JAKMIP2: variants seen among roughly 807,000 people sequenced by gnomAD.
JAKMIP2 encodes janus kinase and microtubule-interacting protein 2.
A neutral mutation model predicts 115.0 loss-of-function variants in JAKMIP2; 25 were observed. The ratio of observed to expected loss-of-function variants is 0.22; its 90% CI spans 0.16 to 0.30. The LOEUF (loss-of-function observed/expected upper bound fraction) is 0.30, where lower values mean the gene tolerates loss of function less well. Among genes scored for constraint, JAKMIP2 ranks in the 10% least tolerant of loss-of-function variants. JAKMIP2 has a pLI of 1.00. For synonymous variants in JAKMIP2, 334 were observed against 343.6 expected, an observed-to-expected ratio of 0.97 and a Z score of 0.31; for missense variants, 642 against 957.6, an observed-to-expected ratio of 0.67 and a Z score of 4.35.
chr5:147,715,220 T>C (rs1055357091), intron 1 of JAKMIP2, among the ~76,000 whole-genome samples: 1 of 151,610 alleles, frequency 6.6e-6, no homozygotes, highest in Non-Finnish European at 1.5e-5. Flanking sequence ...TCAAAATAAA[T>C]CAATAAAGGA....
chr5:147,688,578 CAG>C (rs1760683016), intron 1 of JAKMIP2, among the ~76,000 whole-genome samples: 1 of 152,142 alleles, frequency 6.6e-6, no homozygotes, highest in South Asian at 2.1e-4. Flanking sequence ...ATTCACATAA[CAG>C]AGACTTAGTG....
intron 3 of JAKMIP2, 93 bp from the exon 4 acceptor site, chr5:147,650,640 T>C: frequency 1.1e-6 from 1 of 934,488 alleles, no homozygotes; most frequent in Non-Finnish European, 1.6e-6. Flanking sequence ...TTTATCTGAT[T>C]GATACAGAAA....
chr5:147,710,123 CTA>C (rs1752725223), intron 1 of JAKMIP2, among the ~76,000 whole-genome samples: 1 of 152,142 alleles, frequency 6.6e-6, no homozygotes. Context: ...ATGAACAACA[CTA>C]TGAGTTCTTT....
At chr5:147,727,009 G>A (rs1366843101) in intron 1 of JAKMIP2, among the ~76,000 whole-genome samples, 4 of 152,228 alleles carry the variant, frequency 2.6e-5, no homozygotes, top group Non-Finnish European at 5.9e-5. Flanking sequence ...TTTTCACAAT[G>A]ACGGCCTGGG....
chr5:147,642,221 T>C (rs1015046888), intron 7 of JAKMIP2, among the ~76,000 whole-genome samples: 1 of 152,216 alleles, frequency 6.6e-6, no homozygotes, highest in Admixed American at 6.5e-5. Flanking sequence ...TTTGCATCCT[T>C]GTTCTCACCT....
At chr5:147,635,104 G>A (rs1249849179) in intron 12 of JAKMIP2, among the ~76,000 whole-genome samples, 1 of 152,054 alleles carries the variant, frequency 6.6e-6, no homozygotes, top group Non-Finnish European at 1.5e-5. Context: ...TTCAACCTGG[G>A]AGGCAGAGGT....
At chr5:147,696,332 T>A (rs1752106518) in intron 1 of JAKMIP2, among the ~76,000 whole-genome samples, 1 of 152,172 alleles carries the variant, frequency 6.6e-6, no homozygotes, top group Non-Finnish European at 1.5e-5. Flanking sequence ...CATGCTGTTC[T>A]CATGATAGTG....
At chr5:147,636,106 C>A (rs1757604999) in intron 12 of JAKMIP2, 116 bp downstream of exon 12, 3 of 750,886 alleles carry the variant, frequency 4.0e-6, no homozygotes, top group East Asian at 2.6e-5. Flanking sequence ...CAGAGCAGTG[C>A]CGGAAAAGCC....
At chr5:147,606,899 C>T (rs1020089628) in intron 20 of JAKMIP2, among the ~76,000 whole-genome samples, 5 of 150,446 alleles carry the variant, frequency 3.3e-5, no homozygotes, top group Middle Eastern at 3.2e-3. Context: ...GTCCTTCCCA[C>T]GTAAGTTGTA....
At chr5:147,606,165 G>A (rs1756002385) in intron 20 of JAKMIP2, among the ~76,000 whole-genome samples, 1 of 151,948 alleles carries the variant, frequency 6.6e-6, no homozygotes, top group Non-Finnish European at 1.5e-5. Context: ...TTTTTTTGCT[G>A]TGCAGATGCT....
intron 1 of JAKMIP2, among the ~76,000 whole-genome samples, chr5:147,742,863 G>A (rs958631826): frequency 1.4e-5 from 2 of 147,706 alleles, no homozygotes; most frequent in East Asian, 2.3e-4. Context: ...AAGTACTAAT[G>A]ACTTAAAAAA....
At chr5:147,739,178 C>T (rs1299374996) in intron 1 of JAKMIP2, among the ~76,000 whole-genome samples, 1 of 152,030 alleles carries the variant, frequency 6.6e-6, no homozygotes, top group East Asian at 1.9e-4. Flanking sequence ...ACTTTAGAGG[C>T]AACAGACTTG....
At chr5:147,666,294 T>C (rs1759295250) in intron 2 of JAKMIP2, among the ~76,000 whole-genome samples, 1 of 152,202 alleles carries the variant, frequency 6.6e-6, no homozygotes, top group Non-Finnish European at 1.5e-5. Context: ...TAAATCTTAA[T>C]ATAAATCTTA....
intron 1 of JAKMIP2, among the ~76,000 whole-genome samples, chr5:147,744,952 G>A (rs902597325): frequency 1.3e-5 from 2 of 151,770 alleles, no homozygotes; most frequent in Non-Finnish European, 2.9e-5. Flanking sequence ...CAGCTAGTCA[G>A]GAGAATGAGG....
intron 1 of JAKMIP2, among the ~76,000 whole-genome samples, chr5:147,683,166 G>A (rs1195417759): frequency 6.6e-6 from 1 of 152,136 alleles, no homozygotes; most frequent in Non-Finnish European, 1.5e-5. Context: ...CCTGAGGCAG[G>A]TAATTGCTGT....
chr5:147,641,882 T>C (rs1411351307), intron 7 of JAKMIP2, 118 bp from the exon 8 acceptor site: 1 of 824,750 alleles, frequency 1.2e-6, no homozygotes, highest in Non-Finnish European at 1.9e-6. Context: ...AATAAGACTT[T>C]GTTTTTTAAA....
chr5:147,732,394 C>G (rs997908099), intron 1 of JAKMIP2, among the ~76,000 whole-genome samples: 2 of 152,130 alleles, frequency 1.3e-5, no homozygotes, highest in African/African-American at 4.8e-5. Context: ...TGGATAGATT[C>G]TTAATGTTCT....
chr5:147,639,307 T>TA (rs1757771777), intron 10 of JAKMIP2, among the ~76,000 whole-genome samples: 1 of 152,162 alleles, frequency 6.6e-6, no homozygotes, highest in Non-Finnish European at 1.5e-5. Context: ...TTTTGAAAGA[T>TA]AAAAAAGTTC....
At chr5:147,604,157 T>A (rs145803901) in intron 20 of JAKMIP2, among the ~76,000 whole-genome samples, 309 of 152,328 alleles carry the variant, frequency 2.0e-3, no homozygotes, top group African/African-American at 7.1e-3. Flanking sequence ...TGGGGCTTCC[T>A]GCCAATCACT....
Sources: gnomAD v4.1 joint callset for allele counts (sites outside exome capture counted in the v4.1 genomes callset) on GRCh38, gnomAD v4.1.1 for gene constraint, MANE v1.5 for transcripts, NCBI Gene and HGNC (gene_info 2026-07-23, HGNC 2026-07-21) for gene names.